TAF3: variants seen among roughly 807,000 people sequenced by gnomAD.
The protein encoded by TAF3 is transcription initiation factor TFIID subunit 3.
TAF3 carries 7 observed loss-of-function variants against 80.6 expected under a neutral mutation model. That is an observed-to-expected ratio of 0.09 (90% CI 0.05 to 0.16). TAF3 has a LOEUF of 0.16. Ranked by LOEUF, TAF3 falls within the 10% of genes least tolerant of loss-of-function variation. The probability of loss-of-function intolerance (pLI) is 1.00; values close to 1 mark genes in which losing one functional copy is unlikely to be tolerated. For synonymous variants in TAF3, 444 were observed against 446.1 expected (o/e 1.00, Z 0.06); for missense variants, 921 against 1,140.2 (o/e 0.81, Z 2.77).
intron 5 of TAF3, among the ~76,000 whole-genome samples, chr10:8,012,592 TA>T (rs1832065632): frequency 2.0e-5 from 3 of 152,354 alleles, no homozygotes; most frequent in South Asian, 2.1e-4. Context: ...CCTTGGCCTC[TA>T]GACAGCAGGT....
rs533532895 is a variant in TAF3 at position 7,891,153 on chromosome 10, T to C, written c.409+66593T>C. On this transcript the variant is annotated intron_variant, in intron 2 of 6. Coordinates refer to ENST00000344293, the MANE Select transcript of TAF3 (RefSeq NM_031923.4). Reference sequence around the variant, plus strand: ...GAACAGAGGCTGCAGGTTTTTGATATAGGTTATCTCCCATTGGTTGCTGGT... The same window carrying C: ...GAACAGAGGCTGCAGGTTTTTGATACAGGTTATCTCCCATTGGTTGCTGGT... Among the ~76,000 whole-genome samples the C allele has an allele frequency of 6.6e-5, 10 of 152,324 alleles. No homozygotes were observed. In the East Asian group the frequency reaches 7.7e-4, roughly 12 times the overall value.
chr10:7,861,808 G>T lies in TAF3; in HGVS notation c.409+37248G>T, dbSNP rs76480652. Among the ~76,000 whole-genome samples, 1,292 of 151,928 alleles carry T rather than the reference G, an allele frequency of 8.5e-3. 20 individuals carry two copies. Among genetic ancestry groups the T allele is most frequent in the African/African-American group, 0.029 (1,216 of 41,446 alleles). On this transcript the variant is annotated intron_variant, in intron 2 of 6. Transcript: ENST00000344293. ...TCTTTCTTTTTTTTTCTCAATGCTT[G>T]GGAGTTACTGAACTTCTTTAATGTG...
intron 2 of TAF3, among the ~76,000 whole-genome samples, chr10:7,919,284 C>G (rs1385240445): frequency 1.3e-5 from 2 of 152,036 alleles, no homozygotes; most frequent in Admixed American, 6.5e-5. Flanking sequence ...TTCTGCAGGC[C>G]CCATCTGGGG....
intron 2 of TAF3, among the ~76,000 whole-genome samples, chr10:7,953,776 A>G (rs1427082538): frequency 6.6e-6 from 1 of 152,264 alleles, no homozygotes; most frequent in East Asian, 1.9e-4. Context: ...TGCACATCAT[A>G]GGCAAATGAA....
chr10:7,893,970 G>A (rs1423361809), intron 2 of TAF3, among the ~76,000 whole-genome samples: 2 of 152,066 alleles, frequency 1.3e-5, no homozygotes, highest in African/African-American at 2.4e-5. Context: ...TTAACTTAAT[G>A]TTTTCGCCAG....
At chr10:7,843,118 C>T (rs138125818) in intron 2 of TAF3, among the ~76,000 whole-genome samples, 58 of 152,238 alleles carry the variant, frequency 3.8e-4, no homozygotes, top group Non-Finnish European at 7.6e-4. Flanking sequence ...ACAGGCCAGA[C>T]CTTGTGAATA....
At chr10:7,957,578 G>T (rs41368447) in intron 2 of TAF3, among the ~76,000 whole-genome samples, 1 of 151,966 alleles carries the variant, frequency 6.6e-6, no homozygotes, top group African/African-American at 2.4e-5. Flanking sequence ...GAACTAATGC[G>T]CCAAGAAGAT....
chr10:7,979,150 C>G (rs530416515), intron 4 of TAF3, among the ~76,000 whole-genome samples: 1 of 152,020 alleles, frequency 6.6e-6, no homozygotes, highest in Non-Finnish European at 1.5e-5. Flanking sequence ...CGAGACCATC[C>G]TGTCTAACAC....
At chr10:7,898,121 C>T (rs1280338979) in intron 2 of TAF3, among the ~76,000 whole-genome samples, 1 of 152,104 alleles carries the variant, frequency 6.6e-6, no homozygotes, top group Admixed American at 6.6e-5. Context: ...AACTGGTATG[C>T]TTTCAACTCC....
intron 2 of TAF3, among the ~76,000 whole-genome samples, chr10:7,916,945 ACTGT>A (rs1481663607): frequency 4.6e-5 from 7 of 152,206 alleles, no homozygotes; most frequent in Non-Finnish European, 1.0e-4. Flanking sequence ...AGAAATATAG[ACTGT>A]CTGTTGTGTG....
At chr10:7,824,680 T>C in intron 2 of TAF3, 120 bp downstream of exon 2, 4 of 1,281,850 alleles carry the variant, frequency 3.1e-6, no homozygotes, top group Admixed American at 2.4e-5. Context: ...CATTTACTGT[T>C]ACTTACAAAT....
At chr10:8,000,975 C>T (rs1050258473) in intron 4 of TAF3, among the ~76,000 whole-genome samples, 4 of 152,198 alleles carry the variant, frequency 2.6e-5, no homozygotes, top group African/African-American at 9.7e-5. Flanking sequence ...TGTGTGCACA[C>T]ATGTGTATCA....
intron 2 of TAF3, among the ~76,000 whole-genome samples, chr10:7,918,677 T>C (rs1414066705): frequency 1.3e-5 from 2 of 152,192 alleles, no homozygotes; most frequent in East Asian, 3.8e-4. Flanking sequence ...ACCCAGGCAC[T>C]CAGCCTGAAG....
At chr10:7,914,938 T>A (rs1325933185) in intron 2 of TAF3, among the ~76,000 whole-genome samples, 1 of 32,242 alleles carries the variant, frequency 3.1e-5, no homozygotes, top group East Asian at 2.1e-3. Flanking sequence ...CAGCCTTTTT[T>A]TTTTTTTTTT....
intron 4 of TAF3, among the ~76,000 whole-genome samples, chr10:7,997,350 A>G (rs1831899558): frequency 6.6e-6 from 1 of 152,260 alleles, no homozygotes; most frequent in Admixed American, 6.5e-5. Context: ...TACTGGTTTC[A>G]TCGTGTTTGC....
intron 2 of TAF3, among the ~76,000 whole-genome samples, chr10:7,877,136 T>TA (rs1837319580): frequency 1.3e-5 from 2 of 152,162 alleles, no homozygotes; most frequent in African/African-American, 4.8e-5. Context: ...ACTTATCTGT[T>TA]ACTTCCTTTT....
intron 2 of TAF3, among the ~76,000 whole-genome samples, chr10:7,907,099 C>T (rs1352189517): frequency 6.6e-6 from 1 of 152,132 alleles, no homozygotes; most frequent in Non-Finnish European, 1.5e-5. Context: ...TAACTTACAG[C>T]AATTTTTGTA....
At chr10:7,956,179 A>G (rs1428735157) in intron 2 of TAF3, among the ~76,000 whole-genome samples, 1 of 152,144 alleles carries the variant, frequency 6.6e-6, no homozygotes, top group Non-Finnish European at 1.5e-5. Flanking sequence ...TACGTTTGAA[A>G]TTATTTCAAA....
chr10:8,008,808 T>C (rs1177315395), intron 4 of TAF3, among the ~76,000 whole-genome samples: 1 of 152,170 alleles, frequency 6.6e-6, no homozygotes, highest in African/African-American at 2.4e-5. Flanking sequence ...GCAATTGAAG[T>C]CATATTTCTG....
Sources: allele counts gnomAD v4.1 joint callset (sites outside exome capture counted in the v4.1 genomes callset), GRCh38; gene constraint gnomAD v4.1.1; transcripts MANE v1.5; gene names NCBI Gene and HGNC (gene_info 2026-07-23, HGNC 2026-07-21).